The following PPARGC1A variants were observed in gnomAD, a reference collection of about 807,000 sequenced individuals.
PPARGC1A encodes the protein PPARG coactivator 1 alpha.
A neutral mutation model predicts 88.7 loss-of-function variants in PPARGC1A; 25 were observed. The observed-to-expected ratio is 0.28, with a 90% CI of 0.21 to 0.39. The LOEUF is 0.39. Ranked by LOEUF, PPARGC1A falls within the 10% of genes least tolerant of loss-of-function variation. The pLI is 1.00. For missense variants in PPARGC1A, 880 were observed against 968.7 expected (o/e 0.91, Z 1.22); for synonymous variants, 363 against 355.6 (o/e 1.02, Z -0.24).
the PPARGC1A span, among the ~76,000 whole-genome samples, chr4:24,036,407 C>A: frequency 2.6e-5 from 4 of 152,004 alleles, no homozygotes; most frequent in Non-Finnish European, 4.4e-5. Flanking sequence ...TCCAAGAGAA[C>A]TGAATATGTA....
At chr4:24,209,584 G>A in the PPARGC1A span, among the ~76,000 whole-genome samples, 5 of 152,272 alleles carry the variant, frequency 3.3e-5, no homozygotes, top group Admixed American at 3.3e-4. Context: ...CTGCCCTAAA[G>A]TATCCTGTGC....
the PPARGC1A span, among the ~76,000 whole-genome samples, chr4:24,305,307 C>A: frequency 6.6e-6 from 1 of 151,226 alleles, no homozygotes; most frequent in African/African-American, 2.4e-5. Context: ...AACAAACAAA[C>A]AAAAAACATG....
the PPARGC1A span, among the ~76,000 whole-genome samples, chr4:24,395,620 G>C: frequency 6.6e-6 from 1 of 152,212 alleles, no homozygotes; most frequent in South Asian, 2.1e-4. Context: ...ATAGGAAGCT[G>C]TTCTTCCAAC....
the PPARGC1A span, among the ~76,000 whole-genome samples, chr4:24,009,133 T>TAAAAAAAA: frequency 1.2e-4 from 9 of 74,452 alleles, no homozygotes; most frequent in African/African-American, 4.5e-4. Flanking sequence ...CCGCAGTCTA[T>TAAAAAAAA]AAAAAAAAAA....
the PPARGC1A span, among the ~76,000 whole-genome samples, chr4:24,232,119 T>C: frequency 6.6e-6 from 1 of 152,066 alleles, no homozygotes; most frequent in East Asian, 1.9e-4. Context: ...TACCAGGCAG[T>C]TCGGCATGTG....
chr4:24,162,950 T>C, the PPARGC1A span, among the ~76,000 whole-genome samples: 1 of 151,920 alleles, frequency 6.6e-6, no homozygotes, highest in Non-Finnish European at 1.5e-5. Flanking sequence ...AGTGTTTTGT[T>C]ACATTTTCTT....
the PPARGC1A span, among the ~76,000 whole-genome samples, chr4:24,053,866 G>A: frequency 2.0e-5 from 3 of 152,268 alleles, no homozygotes; most frequent in African/African-American, 7.2e-5. Flanking sequence ...GCTAGGTACT[G>A]AGTCAAAAAT....
At chr4:23,917,058 C>T in the PPARGC1A span, among the ~76,000 whole-genome samples, 1 of 152,196 alleles carries the variant, frequency 6.6e-6, no homozygotes, top group South Asian at 2.1e-4. Context: ...ACCTCACCCT[C>T]CTCTGCCTGT....
the PPARGC1A span, among the ~76,000 whole-genome samples, chr4:24,387,102 T>G: frequency 6.6e-6 from 1 of 152,046 alleles, no homozygotes; most frequent in African/African-American, 2.4e-5. Context: ...CTGACAAAAT[T>G]TGATCTTTGA....
the PPARGC1A span, among the ~76,000 whole-genome samples, chr4:24,323,958 CTT>C: frequency 2.6e-5 from 4 of 152,220 alleles, no homozygotes; most frequent in African/African-American, 7.2e-5. Flanking sequence ...CAATCTCTCT[CTT>C]CTCTTAATTT....
At chr4:24,263,491 G>A in the PPARGC1A span, among the ~76,000 whole-genome samples, 291 of 139,174 alleles carry the variant, frequency 2.1e-3, 2 homozygotes, top group African/African-American at 8.2e-3. Context: ...ACACAGAGTT[G>A]ACCCTTTAAC....
At chr4:24,337,408 G>C in the PPARGC1A span, among the ~76,000 whole-genome samples, 461 of 152,302 alleles carry the variant, frequency 3.0e-3, 6 homozygotes, top group African/African-American at 0.011. Context: ...AAGATGAATA[G>C]AACATTATCC....
the PPARGC1A span, among the ~76,000 whole-genome samples, chr4:24,295,530 A>T: frequency 1.3e-5 from 2 of 151,902 alleles, no homozygotes; most frequent in East Asian, 3.9e-4. Context: ...TGGGGAGAAA[A>T]ACCTAACTTT....
chr4:24,364,512 A>G, the PPARGC1A span, among the ~76,000 whole-genome samples: 2 of 152,144 alleles, frequency 1.3e-5, no homozygotes, highest in African/African-American at 2.4e-5. Context: ...CTCTCATGAC[A>G]TCATGTTCTT....
chr4:23,988,891 G>A, the PPARGC1A span, among the ~76,000 whole-genome samples: 2,028 of 145,654 alleles, frequency 0.014, 49 homozygotes, highest in African/African-American at 0.048. Flanking sequence ...GTATAATACA[G>A]ATTTATATAA....
At chr4:24,438,278 A>C in the PPARGC1A span, among the ~76,000 whole-genome samples, 5 of 152,148 alleles carry the variant, frequency 3.3e-5, no homozygotes, top group African/African-American at 1.2e-4. Flanking sequence ...CTGAGTAAGA[A>C]ACAGATGTGA....
chr4:23,936,823 TC>T, the PPARGC1A span, among the ~76,000 whole-genome samples: 1 of 151,978 alleles, frequency 6.6e-6, no homozygotes, highest in African/African-American at 2.4e-5. Flanking sequence ...TGAGTCGAGA[TC>T]GCACGACTGC....
the PPARGC1A span, among the ~76,000 whole-genome samples, chr4:24,159,658 C>A: frequency 6.6e-6 from 1 of 152,160 alleles, no homozygotes; most frequent in South Asian, 2.1e-4. Flanking sequence ...ACATAAAATG[C>A]AAATGCCCAT....
At chr4:24,371,113 T>A in the PPARGC1A span, among the ~76,000 whole-genome samples, 52,730 of 151,872 alleles carry the variant, frequency 0.35, 9,349 homozygotes, top group South Asian at 0.4. Flanking sequence ...ACATGAACAC[T>A]TTCTTTTTTA....
Sources: gnomAD v4.1 joint callset for allele counts (sites outside exome capture counted in the v4.1 genomes callset) on GRCh38, gnomAD v4.1.1 for gene constraint, MANE v1.5 for transcripts, NCBI Gene and HGNC (gene_info 2026-07-23, HGNC 2026-07-21) for gene names.